POLR2F: variants seen among roughly 807,000 people sequenced by gnomAD.
The protein encoded by POLR2F is RNA polymerase II, I and III subunit F.
POLR2F carries 12 observed loss-of-function variants against 22.7 expected under a neutral mutation model. The ratio of observed to expected loss-of-function variants is 0.53; its 90% CI spans 0.34 to 0.86. POLR2F has a LOEUF of 0.86. POLR2F is among the 40% of genes least tolerant of loss of function. POLR2F has a pLI of 0.02. For synonymous variants in POLR2F, 57 were observed against 66.0 expected, an observed-to-expected ratio of 0.86 and a Z score of 0.66; for missense variants, 126 against 171.5, an observed-to-expected ratio of 0.73 and a Z score of 1.48.
At position 37,987,283 on chromosome 22, in the gene POLR2F, T is replaced by G. The variant is rs1362764161; in HGVS notation, c.120+971T>G. 4 of 456,730 alleles carry G rather than the reference T, an allele frequency of 8.8e-6. No individual in the cohort carries two copies. In the Admixed American group the frequency reaches 9.4e-5, roughly 11 times the overall value. The allele number at this position is 456,730 out of a possible 1,614,324, so 28.3% of individuals were successfully genotyped here. On this transcript the variant is annotated intron_variant, in intron 1 of 2. Coordinates refer to the POLR2F transcript ENST00000333418. Reference sequence around the variant, plus strand: ...TCCTGGGACTCAGCCTGGCTTTTGTTAAGGCAGGTCCCGGATTTACTCAGA... The same window carrying G: ...TCCTGGGACTCAGCCTGGCTTTTGTGAAGGCAGGTCCCGGATTTACTCAGA...
intron 1 of POLR2F, among the ~76,000 whole-genome samples, chr22:38,012,500 TG>T (rs1191095091): frequency 6.6e-6 from 1 of 152,232 alleles, no homozygotes; most frequent in Non-Finnish European, 1.5e-5. Flanking sequence ...TACATAACTA[TG>T]ATACACTTAC....
At chr22:37,987,109 G>A (rs1459572326) in intron 1 of POLR2F, 1 of 456,708 alleles carries the variant, frequency 2.2e-6, no homozygotes, top group Admixed American at 2.3e-5. Flanking sequence ...ACCGTCCATG[G>A]CAAGGTGTGG....
chr22:37,954,021 G>A (rs1295243077), intron 1 of POLR2F, among the ~76,000 whole-genome samples: 6 of 152,200 alleles, frequency 3.9e-5, no homozygotes, highest in Non-Finnish European at 5.9e-5. Context: ...GGGTCCAGAG[G>A]GGATCCGTAG....
At chr22:38,010,602 G>GGTTTTT (rs1382349551) in intron 1 of POLR2F, among the ~76,000 whole-genome samples, 38 of 60,898 alleles carry the variant, frequency 6.2e-4, no homozygotes, top group African/African-American at 2.7e-3. Context: ...AATTCCTTGT[G>GGTTTTT]TTTTTTTTTT....
Position 37,986,552 on chromosome 22 carries a change from G to C in POLR2F, c.120+240G>C. 2.2e-6 allele frequency: 2 copies of C among 917,246 alleles called. No homozygotes were observed. The highest frequency in any genetic ancestry group is 3.4e-6 in the Non-Finnish European group (2 of 582,670). The allele number at this position is 917,246 out of a possible 1,614,324, so 56.8% of individuals were successfully genotyped here. A position where few individuals can be genotyped will look rare whatever the true frequency, so the allele number is the denominator to read the frequency against. On this transcript the variant is annotated intron_variant, in intron 1 of 2. Transcript: ENST00000333418. This position sits in a 1 kb window ranked among gnomAD's most constrained non-coding sequence, Gnocchi z 4.7. ...CTGTGCCAGGATGGGGGTGGGGGTA[G>C]CAGTGGGCACGCTCTGTCTGCAGGA...
In POLR2F at chr22:37,962,250, A is replaced by AC. The variant is rs144386202; in HGVS notation, c.221+2774_221+2775insC. On this transcript the variant is annotated intron_variant, in intron 3 of 4. Coordinates refer to ENST00000442738, the MANE Select transcript of POLR2F (RefSeq NM_021974.5). ...TCAAAACAAACAAACAAACAAACAAAAAAAAAACAAAGGAAAGCTGGGGCC... is the reference window on the plus strand; with the variant it reads ...TCAAAACAAACAAACAAACAAACAAACAAAAAAACAAAGGAAAGCTGGGGCC... 3.9e-3 allele frequency among the ~76,000 whole-genome samples: 594 copies of AC among 152,042 alleles called. 5 individuals are homozygous for AC. Among genetic ancestry groups the AC allele is most frequent in the African/African-American group, 0.013 (540 of 41,480 alleles).
rs1206448882 is a variant in POLR2F at position 37,967,571 on chromosome 22, G to A, written c.294-54G>A. ...TTTGCACACAATCTGTTCCTTCTGC[G>A]GCAGAGCTGGGGTCACCAGCCCTCA... On this transcript the variant is annotated intron_variant, in intron 4 of 4. Coordinates refer to ENST00000442738, the MANE Select transcript of POLR2F (RefSeq NM_021974.5). 6.2e-6 allele frequency: 10 copies of A among 1,600,164 alleles called. No homozygotes were observed. In the East Asian group the frequency reaches 6.7e-5, roughly 11 times the overall value.
intron 1 of POLR2F, among the ~76,000 whole-genome samples, chr22:38,005,601 G>A (rs1040568273): frequency 7.7e-4 from 117 of 152,362 alleles, no homozygotes; most frequent in African/African-American, 2.6e-3. Context: ...AAAACATTAC[G>A]ATGGAAGGCA....
intron 5 of POLR2F, among the ~76,000 whole-genome samples, chr22:38,034,882 CCTGGGGCCGTGGCCTAGGACGAG>C (rs1262799073): frequency 6.6e-6 from 1 of 152,054 alleles, no homozygotes. Context: ...GGAGGTGAGA[CCTGGGGCCGTGGCCTAGGACGAG>C]CTGGGGCTTT....
chr22:37,971,643 G>T (rs1015678820), downstream of POLR2F, among the ~76,000 whole-genome samples: 10 of 152,102 alleles, frequency 6.6e-5, no homozygotes, highest in African/African-American at 2.4e-4. Flanking sequence ...AGATCCTGGC[G>T]TGGGCTGCTG....
At chr22:38,028,973 G>A (rs114419718), downstream of POLR2F, among the ~76,000 whole-genome samples, 1,735 of 152,300 alleles carry the variant, frequency 0.011, 31 homozygotes, top group African/African-American at 0.04. Context: ...TGGCTGGTGA[G>A]CCAGGCCTGG....
At chr22:38,035,318 C>T (rs1260983583) in intron 5 of POLR2F, among the ~76,000 whole-genome samples, 1 of 152,186 alleles carries the variant, frequency 6.6e-6, no homozygotes, top group Non-Finnish European at 1.5e-5. Flanking sequence ...CTCACCTTGC[C>T]TGATTCTCAG....
downstream of POLR2F, among the ~76,000 whole-genome samples, chr22:38,029,969 G>C (rs938433929): frequency 6.6e-6 from 1 of 152,222 alleles, no homozygotes; most frequent in Non-Finnish European, 1.5e-5. Context: ...TTTGGGAAAA[G>C]GGAATAGCGT....
At chr22:38,019,136 A>G (rs2084938926) in intron 1 of POLR2F, among the ~76,000 whole-genome samples, 1 of 151,780 alleles carries the variant, frequency 6.6e-6, no homozygotes, top group African/African-American at 2.4e-5. Flanking sequence ...TGGACTGGGA[A>G]GGTGTGCATG....
intron 1 of POLR2F, among the ~76,000 whole-genome samples, chr22:38,025,396 C>G (rs1488065111): frequency 1.3e-5 from 2 of 152,150 alleles, no homozygotes; most frequent in Non-Finnish European, 2.9e-5. Context: ...TCACAATACA[C>G]ATGCATACAC....
intron 4 of POLR2F, 193 bp downstream of exon 4, chr22:37,967,363 A>G: frequency 1.4e-6 from 2 of 1,450,552 alleles, no homozygotes; most frequent in Non-Finnish European, 1.8e-6. Context: ...GGCACTGATG[A>G]GACATGGACG....
chr22:37,959,547 C>T, intron 3 of POLR2F, 71 bp downstream of exon 3: 1 of 1,522,210 alleles, frequency 6.6e-7, no homozygotes, highest in Non-Finnish European at 9.0e-7. Context: ...GCTGATCTTT[C>T]CCAGCCTGGC....
intron 1 of POLR2F, among the ~76,000 whole-genome samples, chr22:38,019,138 G>A (rs992766605): frequency 2.0e-5 from 3 of 152,118 alleles, no homozygotes; most frequent in African/African-American, 7.2e-5. Flanking sequence ...GACTGGGAAG[G>A]TGTGCATGTG....
intron 1 of POLR2F, among the ~76,000 whole-genome samples, chr22:37,992,009 G>A (rs981372708): frequency 1.3e-5 from 2 of 152,186 alleles, no homozygotes; most frequent in Non-Finnish European, 2.9e-5. Flanking sequence ...GCGCTCCTGA[G>A]TTAAGACAGT....
Sources: allele counts gnomAD v4.1 joint callset (sites outside exome capture counted in the v4.1 genomes callset), GRCh38; gene constraint gnomAD v4.1.1; non-coding constraint Gnocchi (gnomAD v3.1); transcripts MANE v1.5; gene names NCBI Gene and HGNC (gene_info 2026-07-23, HGNC 2026-07-21).